Variants in LINGO2 observed in about 807,000 individuals in gnomAD.
LINGO2 encodes leucine-rich repeat and immunoglobulin-like domain-containing nogo receptor-interacting protein 2.
LINGO2 carries 14 observed loss-of-function variants against 30.6 expected under a neutral mutation model. The ratio of observed to expected loss-of-function variants is 0.46; its 90% CI spans 0.30 to 0.72. LINGO2 has a LOEUF of 0.72. Ranked by LOEUF, LINGO2 falls within the 30% of genes least tolerant of loss-of-function variation. The probability of loss-of-function intolerance (pLI) is 0.07; values close to 1 mark genes in which losing one functional copy is unlikely to be tolerated. For missense variants in LINGO2, 729 were observed against 751.7 expected, an observed-to-expected ratio of 0.97 and a Z score of 0.35; for synonymous variants, 317 against 288.5, an observed-to-expected ratio of 1.10 and a Z score of -1.00.
chr9:28,526,637 T>C (rs1281187596), intron 1 of LINGO2, among the ~76,000 whole-genome samples: 1 of 152,148 alleles, frequency 6.6e-6, no homozygotes, highest in African/African-American at 2.4e-5. Flanking sequence ...ATTAAGGTAA[T>C]AGAGGCTGAA....
rs560569299 is a variant in LINGO2 at position 28,200,294 on chromosome 9, C to A, written c.-87+94914G>T. On this transcript the variant is annotated intron_variant, in intron 4 of 5. Coordinates refer to ENST00000379992, the Ensembl canonical transcript of LINGO2. ...TGTTGGTGTCTAGGTCTGATTTAGA[C>A]TTAATGACTTTTCAAACTTCCTTCC... 2.0e-5 allele frequency among the ~76,000 whole-genome samples: 3 copies of A among 152,252 alleles called. No individual in the cohort carries two copies. The South Asian group carries it at 6.2e-4, about 32-fold the overall frequency.
At chr9:28,451,593 T>G (rs1824650143) in intron 2 of LINGO2, among the ~76,000 whole-genome samples, 2 of 151,896 alleles carry the variant, frequency 1.3e-5, no homozygotes, top group Non-Finnish European at 3.0e-5. Context: ...TAGTGTATTT[T>G]TAAACCAATT....
At chr9:28,028,899 T>C (rs1369703980) in intron 4 of LINGO2, among the ~76,000 whole-genome samples, 1 of 152,150 alleles carries the variant, frequency 6.6e-6, no homozygotes, top group Admixed American at 6.5e-5. Flanking sequence ...ATCCAAATTT[T>C]ACCTCTTCTG....
intron 2 of LINGO2, among the ~76,000 whole-genome samples, chr9:28,384,526 C>T (rs2134649940): frequency 6.6e-6 from 1 of 151,760 alleles, no homozygotes; most frequent in East Asian, 1.9e-4. Flanking sequence ...TAATTGTCTA[C>T]CCTTTTTCCC....
chr9:29,195,543 T>C, the LINGO2 span, among the ~76,000 whole-genome samples: 1 of 152,146 alleles, frequency 6.6e-6, no homozygotes, highest in Non-Finnish European at 1.5e-5. Flanking sequence ...ATAATGGCTG[T>C]GCCAATTTAC....
the LINGO2 span, among the ~76,000 whole-genome samples, chr9:28,738,349 A>G: frequency 6.6e-6 from 1 of 152,130 alleles, no homozygotes; most frequent in East Asian, 1.9e-4. Flanking sequence ...CCATATTAAT[A>G]CACATATTCA....
chr9:27,979,631 G>A (rs1820761201), intron 5 of LINGO2, among the ~76,000 whole-genome samples: 1 of 151,820 alleles, frequency 6.6e-6, no homozygotes, highest in Non-Finnish European at 1.5e-5. Flanking sequence ...ATAGAGGTAT[G>A]GAAAAGTATG....
At chr9:28,583,613 T>C (rs548257044) in intron 1 of LINGO2, among the ~76,000 whole-genome samples, 63 of 152,170 alleles carry the variant, frequency 4.1e-4, no homozygotes, top group Non-Finnish European at 7.6e-4. Context: ...AAATTTTTCT[T>C]TTATGAATTG....
chr9:28,231,136 A>G (rs961475620), intron 4 of LINGO2, among the ~76,000 whole-genome samples: 2 of 151,398 alleles, frequency 1.3e-5, no homozygotes, highest in African/African-American at 2.4e-5. Context: ...AGTGGGATCA[A>G]TGAGATCAAG....
intron 4 of LINGO2, among the ~76,000 whole-genome samples, chr9:28,172,030 A>AAAAC (rs1554682037): frequency 2.7e-5 from 2 of 75,124 alleles, no homozygotes; most frequent in African/African-American, 1.3e-4. Context: ...AAAAAAAAAA[A>AAAAC]AAACAAAAAA....
chr9:28,254,807 G>T (rs1461854679), intron 4 of LINGO2, among the ~76,000 whole-genome samples: 1 of 152,048 alleles, frequency 6.6e-6, no homozygotes, highest in African/African-American at 2.4e-5. Context: ...GTGCAGATTT[G>T]TTATATAGGT....
chr9:28,174,898 C>CTCTGTG (rs139070322), intron 4 of LINGO2, among the ~76,000 whole-genome samples: 230 of 141,108 alleles, frequency 1.6e-3, no homozygotes, highest in East Asian at 2.7e-3. Flanking sequence ...ATTTGTGTCT[C>CTCTGTG]TGTGTGTGTG....
At chr9:28,545,182 G>C (rs145672279) in intron 1 of LINGO2, among the ~76,000 whole-genome samples, 8 of 152,102 alleles carry the variant, frequency 5.3e-5, no homozygotes, top group Non-Finnish European at 8.8e-5. Context: ...TGTATAAAGG[G>C]ACCGATAAGG....
chr9:29,157,970 T>A, the LINGO2 span, among the ~76,000 whole-genome samples: 1 of 152,250 alleles, frequency 6.6e-6, no homozygotes, highest in East Asian at 1.9e-4. Context: ...AGGCTATATC[T>A]ATATACTTTG....
At chr9:28,604,790 G>C (rs1049856361) in intron 1 of LINGO2, among the ~76,000 whole-genome samples, 1 of 151,916 alleles carries the variant, frequency 6.6e-6, no homozygotes, top group African/African-American at 2.4e-5. Context: ...CAATTGAAAT[G>C]GGGCAAAATT....
chr9:28,786,313 G>A, the LINGO2 span, among the ~76,000 whole-genome samples: 1 of 152,078 alleles, frequency 6.6e-6, no homozygotes, highest in African/African-American at 2.4e-5. Flanking sequence ...GATACATTCT[G>A]GAGGCATATG....
intron 4 of LINGO2, among the ~76,000 whole-genome samples, chr9:28,095,317 A>G (rs1275924785): frequency 6.6e-6 from 1 of 152,098 alleles, no homozygotes; most frequent in African/African-American, 2.4e-5. Flanking sequence ...CAACCGCAGC[A>G]CCAATGTTGT....
At chr9:28,390,378 C>T (rs780503831) in intron 2 of LINGO2, among the ~76,000 whole-genome samples, 8 of 152,066 alleles carry the variant, frequency 5.3e-5, no homozygotes, top group Non-Finnish European at 1.0e-4. Context: ...ATGTTAACTC[C>T]GAAGCCATGT....
intron 4 of LINGO2, among the ~76,000 whole-genome samples, chr9:28,151,146 A>G (rs117036070): frequency 0.044 from 6,698 of 152,306 alleles, 224 homozygotes; most frequent in Admixed American, 0.085. Context: ...AAACCTAAAT[A>G]AGACCCAACA....
Sources: allele counts gnomAD v4.1 joint callset (sites outside exome capture counted in the v4.1 genomes callset), GRCh38; gene constraint gnomAD v4.1.1; transcripts MANE v1.5; gene names NCBI Gene and HGNC (gene_info 2026-07-23, HGNC 2026-07-21).